MYRF: variants seen among roughly 807,000 people sequenced by gnomAD.
MYRF encodes the protein myelin gene regulatory factor.
A neutral mutation model predicts 126.3 loss-of-function variants in MYRF; 16 were observed. That is an observed-to-expected ratio of 0.13 (90% confidence interval 0.09 to 0.19). MYRF has a LOEUF of 0.19. Among genes scored for constraint, MYRF ranks in the 10% least tolerant of loss-of-function variants. The pLI is 1.00. For synonymous variants in MYRF, 608 were observed against 635.3 expected (o/e 0.96, Z 0.65); for missense variants, 1,104 against 1,547.0 (o/e 0.71, Z 4.80).
chr11:61,765,246 C>T (rs2066022508), intron 1 of MYRF, among the ~76,000 whole-genome samples: 1 of 152,244 alleles, frequency 6.6e-6, no homozygotes, highest in African/African-American at 2.4e-5. Flanking sequence ...CTCATTTGTG[C>T]CTCACAGCAC....
At position 61,786,060 on chromosome 11, in the gene MYRF, C is replaced by T. The variant is rs772771170; in HGVS notation, c.3376-3C>T. The T allele has an allele frequency of 1.9e-6, 3 of 1,613,996 alleles. No individual in the cohort carries two copies. Among genetic ancestry groups the T allele is most frequent in the African/African-American group, 2.7e-5 (2 of 74,938 alleles). On this transcript the variant is annotated splice_polypyrimidine_tract_variant and splice_region_variant and intron_variant, in intron 26 of 26. Transcript: ENST00000278836. This position sits in a 1 kb window ranked among gnomAD's most constrained non-coding sequence, Gnocchi z 4.5. ...CTCACCTTCCCACTGCCCTTCCACC[C>T]AGGGTCAGGCCAACTGCAGTTCAGA... is the stretch of plus-strand genomic sequence containing the variant.
Position 61,771,615 on chromosome 11 carries a change from C to G in MYRF, c.856C>G (p.Pro286Ala). The change falls in exon 6 of 27, where the codon CCT (proline) becomes GCT (alanine). Residue 286 changes from proline to alanine, a missense_variant. Around this residue, in one of 10 missense-constraint regions of MYRF, gnomAD observed 368 missense variants for 403.9 expected, o/e 0.91. Coordinates refer to ENST00000278836, the MANE Select transcript of MYRF (RefSeq NM_001127392.3). The part of the protein sequence containing the change: ...KQEPGTVTAL[P>A]LHPTRAPSPP... ...GGAGCCTGGGACCGTGACAGCCCTG[C>G]CTCTGCACCCCACTCGAGCCCCATC... 2 of 1,614,046 alleles carry G rather than the reference C, an allele frequency of 1.2e-6. No homozygotes were observed. The highest frequency in any genetic ancestry group is 1.1e-5 in the South Asian group (1 of 91,088).
In MYRF at chr11:61,779,438, T is replaced by C; in HGVS notation, c.2174+15T>C. ...GGCGCCTTCAGGTAGGGGTGCGGGGTGGGGGAAGGTGAGACCCTTCTTCCC... is the reference window on the plus strand; with the variant it reads ...GGCGCCTTCAGGTAGGGGTGCGGGGCGGGGGAAGGTGAGACCCTTCTTCCC... On this transcript the variant is annotated intron_variant, in intron 15 of 26. Transcript: ENST00000278836. 1 of 1,549,812 alleles carries C rather than the reference T, an allele frequency of 6.5e-7. No homozygotes were observed. The highest frequency in any genetic ancestry group is 1.2e-5 in the South Asian group (1 of 83,860).
intron 3 of MYRF, chr11:61,766,512 C>T: frequency 2.4e-6 from 1 of 415,192 alleles, no homozygotes; most frequent in South Asian, 5.9e-5. Context: ...CAGGAAGCGG[C>T]GGGACTGGAG....
At chr11:61,782,123 T>A (rs2066569177) in intron 22 of MYRF, 2 of 342,968 alleles carry the variant, frequency 5.8e-6, no homozygotes, top group East Asian at 8.8e-5. Flanking sequence ...AGGCAGGGCT[T>A]GTATTTGATC....
In MYRF at chr11:61,783,433, G is replaced by A. The variant is rs1207088572; in HGVS notation, c.3017-65G>A. 1 of 1,321,180 alleles carries A rather than the reference G, an allele frequency of 7.6e-7. No homozygotes were observed. Among genetic ancestry groups the A allele is most frequent in the Non-Finnish European group, 1.1e-6 (1 of 924,188 alleles). 81.8% of individuals were successfully genotyped at this position (1,321,180 alleles called of 1,614,324 possible). A position where few individuals can be genotyped will look rare whatever the true frequency, so the allele number is the denominator to read the frequency against. The stretch of plus-strand genomic sequence containing the variant: ...GGTGTGAGTGACTGCTTCAAGTCTG[G>A]CAAGGAAAGACTTGCCAGCTTCTCA... On this transcript the variant is annotated intron_variant, in intron 22 of 26. Coordinates refer to ENST00000278836, the MANE Select transcript of MYRF (RefSeq NM_001127392.3). This position sits in a 1 kb window ranked among gnomAD's most constrained non-coding sequence, Gnocchi z 4.6.
chr11:61,755,305 GC>G, intron 1 of MYRF: 1 of 1,467,240 alleles, frequency 6.8e-7, no homozygotes, highest in Non-Finnish European at 9.2e-7. Context: ...GGACAGAGCG[GC>G]CCCCTCGAGG....
rs751253374 is a variant in MYRF at position 61,784,413 on chromosome 11, G to T, written c.3300+28G>T. On this transcript the variant is annotated intron_variant, in intron 25 of 26. Transcript: ENST00000278836. ...AGGTGGGACTGGGAAGCTGCGGGCC[G>T]GCCAGGCCCGAGCTGCTTCTCTCCT... is the stretch of plus-strand genomic sequence containing the variant. The T allele has an allele frequency of 1.5e-5, 23 of 1,580,560 alleles. No individual in the cohort carries two copies. The East Asian group carries it at 5.2e-4, about 35-fold the overall frequency.
At chr11:61,780,363 C>A (rs2135865632) in intron 18 of MYRF, 73 bp downstream of exon 18, 1 of 1,319,302 alleles carries the variant, frequency 7.6e-7, no homozygotes, top group Non-Finnish European at 1.1e-6. Flanking sequence ...GTCAGAGAGC[C>A]ATGAGACTGT....
intron 1 of MYRF, among the ~76,000 whole-genome samples, chr11:61,758,787 G>T (rs1047826559): frequency 6.6e-6 from 1 of 152,222 alleles, no homozygotes; most frequent in Non-Finnish European, 1.5e-5. Context: ...CTCCATGTGG[G>T]CAAGGCTTTT....
chr11:61,767,181 C>T (rs2066087417), intron 3 of MYRF: 1 of 456,594 alleles, frequency 2.2e-6, no homozygotes, highest in Non-Finnish European at 4.4e-6. Flanking sequence ...GCTTGGGGTG[C>T]CAGGGGTGAA....
At position 61,781,927 on chromosome 11, in the gene MYRF, A is replaced by T. The variant is rs12418216; in HGVS notation, c.3016+103A>T. 9.5e-3 allele frequency: 12,936 copies of T among 1,357,274 alleles called. 110 individuals are homozygous for T. Among genetic ancestry groups the T allele is most frequent in the Non-Finnish European group, 0.011 (11,537 of 1,029,168 alleles). The allele number at this position is 1,357,274 out of a possible 1,614,324, so 84.1% of individuals were successfully genotyped here. On this transcript the variant is annotated intron_variant, in intron 22 of 26. Transcript: ENST00000278836. ...GTGACTGTCTGGGTTCAGACTTGTCAGTCAATAGACGTTTGCTGAGCACAG... is the reference window on the plus strand; with the variant it reads ...GTGACTGTCTGGGTTCAGACTTGTCTGTCAATAGACGTTTGCTGAGCACAG...
chr11:61,757,975 C>T lies in MYRF; in HGVS notation c.46+5185C>T, dbSNP rs1275833347. Among the ~76,000 whole-genome samples, 1 of 152,274 alleles carries T rather than the reference C, an allele frequency of 6.6e-6. No individual in the cohort carries two copies. Among genetic ancestry groups the T allele is most frequent in the Non-Finnish European group, 1.5e-5 (1 of 68,002 alleles). ...GGGGTGGCTCCAGCACGGGTGGCCA[C>T]GCCAGGTGATGTCCGTGCAGCCTCC... On this transcript the variant is annotated intron_variant, in intron 1 of 26. Transcript: ENST00000278836. The surrounding 1 kb of genome is among the most constrained non-coding windows in gnomAD (Gnocchi z 4.7).
rs776621505 is a variant in MYRF, at chr11:61,762,468, TG to T, written c.47-3155del. Among the ~76,000 whole-genome samples, 19 of 152,318 alleles carry T rather than the reference TG, an allele frequency of 1.2e-4. No homozygotes were observed. The South Asian group carries it at 3.1e-3, about 25-fold the overall frequency. On this transcript the variant is annotated intron_variant, in intron 1 of 26. Transcript: ENST00000278836. ...GTCTTGAGGATCAGAACGAGCCATA[TG>T]GCCCATGTTCCGCTTCCTGCCTGGC...
At chr11:61,779,047 C>A in intron 14 of MYRF, 1 of 655,036 alleles carries the variant, frequency 1.5e-6, no homozygotes, top group Non-Finnish European at 2.8e-6. Flanking sequence ...GGTGAAGGTG[C>A]AGAGGTGGAG....
chr11:61,756,360 G>A (rs1190284800), intron 1 of MYRF, among the ~76,000 whole-genome samples: 1 of 152,118 alleles, frequency 6.6e-6, no homozygotes, highest in East Asian at 1.9e-4. Flanking sequence ...GGCAGGAGGA[G>A]GTCCCAGGTA....
rs570947703 is a variant in MYRF at position 61,780,368 on chromosome 11, G to A, written c.2405+78G>A. 5.4e-5 allele frequency: 69 copies of A among 1,287,634 alleles called. No individual in the cohort carries two copies. In the Middle Eastern group the frequency reaches 6.6e-4, roughly 12 times the overall value. The allele number at this position is 1,287,634 out of a possible 1,614,324, so 79.8% of individuals were successfully genotyped here. ...GCAGTCCCAGGTCAGAGAGCCATGA[G>A]ACTGTCTTCTCTAAAGGAGTTCATC... On this transcript the variant is annotated intron_variant, in intron 18 of 26. Coordinates refer to ENST00000278836, the MANE Select transcript of MYRF (RefSeq NM_001127392.3).
chr11:61,769,092 AC>A (rs1227928053), intron 3 of MYRF, among the ~76,000 whole-genome samples, 167 bp from the exon 4 acceptor site: 1 of 152,192 alleles, frequency 6.6e-6, no homozygotes, highest in Non-Finnish European at 1.5e-5. Flanking sequence ...CCTGCCAGGC[AC>A]CCCAATGTGG....
intron 8 of MYRF, among the ~76,000 whole-genome samples, chr11:61,775,398 A>C (rs1194477144): frequency 2.0e-5 from 3 of 152,256 alleles, no homozygotes; most frequent in Admixed American, 6.5e-5. Context: ...CTCTCCAGGC[A>C]GACTCCATGC....
Sources: gnomAD v4.1 joint callset for allele counts (sites outside exome capture counted in the v4.1 genomes callset) on GRCh38, gnomAD v4.1.1 for gene constraint, gnomAD v4.1.1 regional missense constraint, Gnocchi (gnomAD v3.1) non-coding constraint, MANE v1.5 for transcripts, NCBI Gene and HGNC (gene_info 2026-07-23, HGNC 2026-07-21) for gene names.